RALGAPA1: variants seen among roughly 807,000 people sequenced by gnomAD.
RALGAPA1 encodes ral GTPase-activating protein subunit alpha-1.
Under a neutral mutation model 269.6 loss-of-function variants are expected in RALGAPA1, and 52 were observed. The observed-to-expected ratio is 0.19, with a 90% CI of 0.15 to 0.24. RALGAPA1 has a LOEUF of 0.24. RALGAPA1 is among the 10% of genes least tolerant of loss of function. The pLI, the probability that RALGAPA1 is intolerant of heterozygous loss-of-function variation, is 1.00. For synonymous variants in RALGAPA1, 817 were observed against 1,008.3 expected, an observed-to-expected ratio of 0.81 and a Z score of 3.60; for missense variants, 1,917 against 3,013.9, an observed-to-expected ratio of 0.64 and a Z score of 8.52.
chr14:35,763,616 A>G (rs1198795971), intron 4 of RALGAPA1, among the ~76,000 whole-genome samples: 1 of 152,102 alleles, frequency 6.6e-6, no homozygotes, highest in Non-Finnish European at 1.5e-5. Context: ...ATACATTTTA[A>G]GAGGTGCATA....
At chr14:35,704,659 G>GTT (rs2067649818) in intron 16 of RALGAPA1, among the ~76,000 whole-genome samples, 1 of 152,058 alleles carries the variant, frequency 6.6e-6, no homozygotes, top group Non-Finnish European at 1.5e-5. Context: ...TGAATTGTAA[G>GTT]GACATAAGGT....
intron 1 of RALGAPA1, among the ~76,000 whole-genome samples, chr14:35,797,449 T>G (rs1180201579): frequency 6.6e-6 from 1 of 151,674 alleles, no homozygotes; most frequent in East Asian, 1.9e-4. Flanking sequence ...TAAAGAAAGG[T>G]TGGTTAATGC....
At position 35,606,351 on chromosome 14, in the gene RALGAPA1, A is replaced by T. The variant is rs372471374; in HGVS notation, c.6930-642T>A. Among the ~76,000 whole-genome samples, 69 of 152,298 alleles carry T rather than the reference A, an allele frequency of 4.5e-4. No homozygotes were observed. In the South Asian group the frequency reaches 0.014, roughly 30 times the overall value. On this transcript the variant is annotated intron_variant, in intron 35 of 41. Transcript: ENST00000680220. The stretch of plus-strand genomic sequence containing the variant: ...TTGCTAAGCTACAAATCTGTACAAC[A>T]TGTTACTGTAGGAATACTGTAGGCA...
At chr14:35,641,913 G>C (rs927314483) in intron 31 of RALGAPA1, among the ~76,000 whole-genome samples, 25 of 152,024 alleles carry the variant, frequency 1.6e-4, no homozygotes, top group Non-Finnish European at 1.5e-5. Flanking sequence ...ATAGACCAAT[G>C]GAACAGTATA....
chr14:35,761,381 G>A (rs1159038979), intron 5 of RALGAPA1, among the ~76,000 whole-genome samples: 1 of 152,090 alleles, frequency 6.6e-6, no homozygotes, highest in South Asian at 2.1e-4. Context: ...TTAGTGGTGA[G>A]AATGAGTTTG....
Position 35,640,160 on chromosome 14 carries a change from C to A in RALGAPA1, c.5677-4562G>T, listed in dbSNP as rs930404465. 2.0e-5 allele frequency among the ~76,000 whole-genome samples: 3 copies of A among 152,004 alleles called. No homozygotes were observed. In the East Asian group the frequency reaches 5.8e-4, roughly 29 times the overall value. ...GAAAAACGTCAAGTAAACAACCTAA[C>A]AATGCATCTTAAAGAACCAGAAAAG... On this transcript the variant is annotated intron_variant, in intron 31 of 41. Coordinates refer to ENST00000680220, the MANE Select transcript of RALGAPA1 (RefSeq NM_001346249.2).
chr14:35,551,491 G>A (rs2055002177), intron 39 of RALGAPA1, among the ~76,000 whole-genome samples: 1 of 152,124 alleles, frequency 6.6e-6, no homozygotes, highest in African/African-American at 2.4e-5. Flanking sequence ...AAGTCTGCTT[G>A]AATGGGTAAA....
At chr14:35,699,294 T>C (rs1026543238) in intron 17 of RALGAPA1, among the ~76,000 whole-genome samples, 1 of 152,036 alleles carries the variant, frequency 6.6e-6, no homozygotes, top group Admixed American at 6.6e-5. Flanking sequence ...CAGCAAAAAG[T>C]TGTATTTGCG....
intron 1 of RALGAPA1, among the ~76,000 whole-genome samples, chr14:35,790,376 T>C (rs1429240428): frequency 2.6e-5 from 4 of 151,864 alleles, no homozygotes; most frequent in African/African-American, 7.3e-5. Context: ...TATGAGGAAA[T>C]AGTACCATAG....
rs1268530658 is a variant in RALGAPA1 at position 35,688,542 on chromosome 14, T to C, written c.3869A>G (p.Gln1290Arg). The stretch of plus-strand genomic sequence containing the variant: ...CTCTGGTGGCATTCTGTTCTGCCTC[T>C]GTGGGGAAACATTTGCCTTCGGCTT... ...LSKPKANVSPQRQNRMPPEAP... is the reference protein window; with the variant it reads ...LSKPKANVSPRRQNRMPPEAP... The change falls in exon 18 of 42, where the codon CAG becomes CGG. Residue 1290 changes from glutamine (Q) to arginine (R), a missense_variant. Gln to Arg is a conservative substitution (Grantham distance 43). This residue lies in a region of RALGAPA1 where 615 missense variants were observed against 790.0 expected (regional missense o/e 0.78). Transcript: ENST00000680220. 6 of 1,536,032 alleles carry C rather than the reference T, an allele frequency of 3.9e-6. No homozygotes were observed. The highest frequency in any genetic ancestry group is 4.4e-6 in the Non-Finnish European group (5 of 1,146,884).
At chr14:35,803,809 A>C (rs927986375) in intron 1 of RALGAPA1, among the ~76,000 whole-genome samples, 3 of 151,836 alleles carry the variant, frequency 2.0e-5, no homozygotes, top group African/African-American at 7.3e-5. Context: ...TTTTTAGTAG[A>C]GATGGGGTTT....
At chr14:35,691,528 G>A (rs1197394793) in intron 17 of RALGAPA1, among the ~76,000 whole-genome samples, 1 of 152,172 alleles carries the variant, frequency 6.6e-6, no homozygotes, top group Non-Finnish European at 1.5e-5. Flanking sequence ...TTTAGATCCA[G>A]AAGCAAAGCA....
At chr14:35,797,378 G>C (rs867769866) in intron 1 of RALGAPA1, among the ~76,000 whole-genome samples, 5 of 114,034 alleles carry the variant, frequency 4.4e-5, no homozygotes, top group South Asian at 6.1e-4. Flanking sequence ...AGATGCCAAA[G>C]TAAAGACTTT....
At chr14:35,573,172 T>C (rs966292702) in intron 37 of RALGAPA1, among the ~76,000 whole-genome samples, 2 of 152,194 alleles carry the variant, frequency 1.3e-5, no homozygotes, top group African/African-American at 4.8e-5. Context: ...GTCTTGAGAA[T>C]TGTTAGACCC....
rs144748142 is a variant in RALGAPA1 at position 35,688,857 on chromosome 14, C to G, written c.3554G>C (p.Ser1185Thr). Residue 1185 changes from serine (S) to threonine (T), a missense_variant, in exon 18 of 42, where the codon AGT becomes ACT. Around this residue, in one of 11 missense-constraint regions of RALGAPA1, gnomAD observed 615 missense variants for 790.0 expected, o/e 0.78. Transcript: ENST00000680220. ...KMRLRKLGGF[S>T]SGSSNSSTSN... ...AGTGCTGCTATTGCTGCTACCACTA[C>G]TAAAGCCACCGAGCTTCCGCAGTCT... 512 of 1,291,568 alleles carry G rather than the reference C, an allele frequency of 4.0e-4. 5 individuals carry two copies. In the African/African-American group the frequency reaches 7.2e-3, roughly 18 times the overall value. 80.0% of individuals were successfully genotyped at this position (1,291,568 alleles called of 1,614,324 possible).
chr14:35,701,664 C>T (rs1206308426), intron 16 of RALGAPA1, among the ~76,000 whole-genome samples: 2 of 151,932 alleles, frequency 1.3e-5, no homozygotes, highest in African/African-American at 2.4e-5. Flanking sequence ...TTTTTTGAGA[C>T]AGGGTCTTAC....
chr14:35,621,684 C>T (rs1219180356), intron 35 of RALGAPA1, among the ~76,000 whole-genome samples: 1 of 152,058 alleles, frequency 6.6e-6, no homozygotes, highest in South Asian at 2.1e-4. Flanking sequence ...ACAAACAACG[C>T]CATCAAAAAG....
intron 16 of RALGAPA1, among the ~76,000 whole-genome samples, chr14:35,720,142 T>A (rs180806301): frequency 1.1e-4 from 17 of 152,316 alleles, no homozygotes; most frequent in Admixed American, 9.8e-4. Flanking sequence ...TTCCTTAGGA[T>A]TCCAAAAAGT....
intron 35 of RALGAPA1, among the ~76,000 whole-genome samples, chr14:35,623,238 T>C (rs2060759998): frequency 6.6e-6 from 1 of 151,658 alleles, no homozygotes; most frequent in Non-Finnish European, 1.5e-5. Context: ...AATATGTAGG[T>C]TAAATGATCT....
Sources: gnomAD v4.1 joint callset for allele counts (sites outside exome capture counted in the v4.1 genomes callset) on GRCh38, gnomAD v4.1.1 for gene constraint, gnomAD v4.1.1 regional missense constraint, MANE v1.5 for transcripts, NCBI Gene and HGNC (gene_info 2026-07-23, HGNC 2026-07-21) for gene names.